Variants in INTS6L observed in about 807,000 individuals in gnomAD.
INTS6L encodes the protein integrator complex subunit 6 like.
Under a neutral mutation model 64.7 loss-of-function variants are expected in INTS6L, and 18 were observed. The observed-to-expected ratio is 0.28, with a 90% confidence interval of 0.19 to 0.41. The LOEUF (loss-of-function observed/expected upper bound fraction) is 0.41. INTS6L is among the 10% of genes least tolerant of loss of function. INTS6L has a pLI of 1.00. For missense variants in INTS6L, 533 were observed against 661.0 expected (o/e 0.81, Z 2.12); for synonymous variants, 227 against 235.9 (o/e 0.96, Z 0.34).
chrX:135,546,933 G>A (rs781964809), intron 5 of INTS6L, 48 bp downstream of exon 5: 2 of 1,172,925 alleles, frequency 1.7e-6, no homozygotes, highest in African/African-American at 3.6e-5. Context: ...AGAGCATAGA[G>A]TATATTTTTC....
intron 16 of INTS6L, among the ~76,000 whole-genome samples, chrX:135,580,532 T>A (rs1176128755): frequency 8.9e-6 from 1 of 112,614 alleles, no homozygotes; most frequent in Non-Finnish European, 1.9e-5. Context: ...TTTCTTTGCC[T>A]TTTCGAGCTT....
chrX:135,546,144 A>G (rs1453431006), intron 3 of INTS6L, among the ~76,000 whole-genome samples: 1 of 111,947 alleles, frequency 8.9e-6, no homozygotes, highest in Non-Finnish European at 1.9e-5. Flanking sequence ...AGGTATTTGA[A>G]TGTTAATGGT....
chrX:135,574,627 A>G (rs2087174343), intron 13 of INTS6L, among the ~76,000 whole-genome samples: 1 of 112,504 alleles, frequency 8.9e-6, no homozygotes, highest in South Asian at 3.7e-4. Flanking sequence ...ATTCTGGTCA[A>G]TTCCCTGAAA....
Position 135,546,297 on chromosome X carries a change from A to C in INTS6L, c.340-83A>C, listed in dbSNP as rs2086353673. On this transcript the variant is annotated intron_variant, in intron 3 of 17. Coordinates refer to ENST00000639893, the MANE Select transcript of INTS6L (RefSeq NM_001351601.3). ...AGACAAATTTTATCATATTCTTGAGAGATCATTGGCAAGGCAAATATAAAA... is the reference window on the plus strand; with the variant it reads ...AGACAAATTTTATCATATTCTTGAGCGATCATTGGCAAGGCAAATATAAAA... 6 of 577,565 alleles carry C rather than the reference A, an allele frequency of 1.0e-5. No individual in the cohort carries two copies. The Admixed American group carries it at 1.9e-4, about 19-fold the overall frequency. 47.6% of individuals were successfully genotyped at this position (577,565 alleles called of 1,213,427 possible).
intron 9 of INTS6L, among the ~76,000 whole-genome samples, chrX:135,563,633 G>GTGTGTGTGTATATATGTA (rs1556523326): frequency 9.6e-5 from 1 of 10,387 alleles, no homozygotes; most frequent in African/African-American, 1.8e-4. Flanking sequence ...GTGTGTGTGT[G>GTGTGTGTGTATATATGTA]TATATATATA....
chrX:135,564,914 T>G (rs2086900294), intron 9 of INTS6L, among the ~76,000 whole-genome samples: 1 of 111,245 alleles, frequency 9.0e-6, no homozygotes, highest in African/African-American at 3.3e-5. Context: ...TCATGCCAGG[T>G]AGAAGTCCAG....
intron 2 of INTS6L, among the ~76,000 whole-genome samples, chrX:135,529,976 G>C (rs1457781659): frequency 8.9e-6 from 1 of 111,742 alleles, no homozygotes; most frequent in Non-Finnish European, 1.9e-5. Context: ...TAGTAACCTA[G>C]GTCTGTCTCT....
intron 16 of INTS6L, among the ~76,000 whole-genome samples, chrX:135,580,696 T>C (rs1378200521): frequency 3.5e-5 from 4 of 112,689 alleles, no homozygotes; most frequent in African/African-American, 1.3e-4. Context: ...AGGACACTTG[T>C]GCTTACATTG....
At chrX:135,537,579 C>T (rs954042254) in intron 2 of INTS6L, among the ~76,000 whole-genome samples, 3 of 111,836 alleles carry the variant, frequency 2.7e-5, no homozygotes, top group Admixed American at 9.5e-5. Context: ...ACTTGCCAAG[C>T]GAGTTAGTGA....
chrX:135,522,766 A>C (rs2085620787), intron 2 of INTS6L, among the ~76,000 whole-genome samples: 1 of 112,443 alleles, frequency 8.9e-6, no homozygotes, highest in Non-Finnish European at 1.9e-5. Context: ...CTGTTTAATT[A>C]GTAGGTTCCC....
chrX:135,555,574 G>T (rs922038387), intron 8 of INTS6L, among the ~76,000 whole-genome samples: 1 of 112,343 alleles, frequency 8.9e-6, no homozygotes, highest in Non-Finnish European at 1.9e-5. Context: ...ATTTTGCTAA[G>T]TAAGTAAATA....
intron 13 of INTS6L, 30 bp from the exon 14 acceptor site, chrX:135,575,053 AG>A: frequency 1.7e-6 from 2 of 1,206,136 alleles, no homozygotes; most frequent in Non-Finnish European, 2.2e-6. Context: ...TTCAGCTATA[AG>A]CATCAATTTC....
At chrX:135,524,180 A>T (rs782775265) in intron 2 of INTS6L, among the ~76,000 whole-genome samples, 2 of 111,520 alleles carry the variant, frequency 1.8e-5, no homozygotes, top group East Asian at 5.6e-4. Flanking sequence ...TGCTTTTAGG[A>T]TCTAACCAGC....
intron 9 of INTS6L, among the ~76,000 whole-genome samples, chrX:135,560,537 T>G (rs1466931591): frequency 8.9e-6 from 1 of 112,439 alleles, no homozygotes; most frequent in Non-Finnish European, 1.9e-5. Flanking sequence ...TTTGTAGATT[T>G]TCTTCATCAA....
rs1602757513 is a variant in INTS6L at position 135,520,826 on chromosome X, A to T, written c.-167A>T. ...GGAGAGGAGGTGGGGCTGCAGAAAG[A>T]GGAGGCCAGGAGCGGTCCCATCCGT... is the stretch of plus-strand genomic sequence containing the variant. On this transcript the variant is annotated 5_prime_UTR_variant, in exon 1 of 18. Transcript: ENST00000639893. 2.1e-6 allele frequency: 1 copy of T among 475,668 alleles called. No homozygotes were observed. The highest frequency in any genetic ancestry group is 3.6e-5 in the East Asian group (1 of 28,009). 39.2% of individuals were successfully genotyped at this position (475,668 alleles called of 1,213,427 possible). A position where few individuals can be genotyped will look rare whatever the true frequency, so the allele number is the denominator to read the frequency against.
intron 2 of INTS6L, among the ~76,000 whole-genome samples, chrX:135,539,415 G>A (rs1480374232): frequency 8.9e-6 from 1 of 112,036 alleles, no homozygotes; most frequent in African/African-American, 3.2e-5. Flanking sequence ...ATCAACTCTA[G>A]GAAGAGTTAG....
chrX:135,573,478 T>C (rs2087142314), intron 12 of INTS6L, among the ~76,000 whole-genome samples: 1 of 112,842 alleles, frequency 8.9e-6, no homozygotes. Context: ...TGTTACTGGC[T>C]ATGGGCAGCC....
At chrX:135,550,037 T>G (rs2086458905) in intron 7 of INTS6L, among the ~76,000 whole-genome samples, 1 of 112,484 alleles carries the variant, frequency 8.9e-6, no homozygotes, top group Non-Finnish European at 1.9e-5. Flanking sequence ...CCACTTGAGC[T>G]GCCCTTTTTG....
chrX:135,531,635 C>T (rs1023276424), intron 2 of INTS6L, among the ~76,000 whole-genome samples: 2 of 111,937 alleles, frequency 1.8e-5, no homozygotes, highest in Non-Finnish European at 3.8e-5. Context: ...AACTGGACTC[C>T]CAAGTGCCTC....
Sources: allele counts gnomAD v4.1 joint callset (sites outside exome capture counted in the v4.1 genomes callset), GRCh38; gene constraint gnomAD v4.1.1; transcripts MANE v1.5; gene names NCBI Gene and HGNC (gene_info 2026-07-23, HGNC 2026-07-21).